Variants in MTUS1 observed in about 807,000 individuals in gnomAD.
MTUS1 encodes microtubule-associated tumor suppressor 1.
In MTUS1, 109 loss-of-function variants were observed where a neutral mutation model predicts 120.8. The ratio of observed to expected loss-of-function variants is 0.90; its 90% CI spans 0.77 to 1.06. The LOEUF is 1.06. MTUS1 is among the 50% of genes least tolerant of loss of function. The pLI is 0.00. For synonymous variants in MTUS1, 737 were observed against 550.5 expected (o/e 1.34, Z -4.74); for missense variants, 2,210 against 1,486.3 (o/e 1.49, Z -8.01).
chr8:17,646,011 T>C lies in MTUS1; in HGVS notation c.3728A>G (p.Lys1243Arg). 1.2e-6 allele frequency: 2 copies of C among 1,613,756 alleles called. No homozygotes were observed. Among genetic ancestry groups the C allele is most frequent in the Non-Finnish European group, 1.7e-6 (2 of 1,179,974 alleles). The change falls in exon 15 of 15, where the codon AAG becomes AGG. Residue 1243 changes from lysine to arginine, a missense_variant. Lys to Arg is a conservative substitution (Grantham distance 26, BLOSUM62 2). Coordinates refer to ENST00000693296, the MANE Select transcript of MTUS1 (RefSeq NM_001363059.2). ...KLHNGDLCSP[K>R]RSPTSSAIPL... ...GATGGCGGAGGATGTGGGGGATCTCTTGGGGCTACACAGGTCCCCATTGTG... is the reference window on the plus strand; with the variant it reads ...GATGGCGGAGGATGTGGGGGATCTCCTGGGGCTACACAGGTCCCCATTGTG...
intron 8 of MTUS1, among the ~76,000 whole-genome samples, chr8:17,662,910 A>G (rs1048164727): frequency 2.0e-5 from 3 of 152,110 alleles, no homozygotes; most frequent in Admixed American, 2.0e-4. Flanking sequence ...GAAGAAGGAA[A>G]GGAAGGCAAA....
chr8:17,735,252 T>C (rs1287330496), intron 3 of MTUS1, among the ~76,000 whole-genome samples: 1 of 152,168 alleles, frequency 6.6e-6, no homozygotes, highest in African/African-American at 2.4e-5. Context: ...GAAAACTTCT[T>C]GCTACTCTAT....
chr8:17,655,055 G>C (rs1334224769), intron 9 of MTUS1: 1 of 190,324 alleles, frequency 5.3e-6, no homozygotes, highest in African/African-American at 2.3e-5. Context: ...GGAAATGGCT[G>C]CATCAGTCAC....
chr8:17,700,632 G>T (rs553077475), intron 6 of MTUS1, among the ~76,000 whole-genome samples: 2 of 152,172 alleles, frequency 1.3e-5, no homozygotes, highest in South Asian at 4.2e-4. Flanking sequence ...AATGCTCTGG[G>T]AGGTAGAAGA....
At position 17,645,502 on chromosome 8, in the gene MTUS1, T is replaced by C. The variant is rs1040732032; in HGVS notation, c.*424A>G. ...GACACATGACACTCTGTGACATCCA[T>C]TTCATTCACACCCCCCACCCCCACA... On this transcript the variant is annotated 3_prime_UTR_variant, in exon 15 of 15. Transcript: ENST00000693296. The C allele has an allele frequency of 2.9e-5, 5 of 170,740 alleles. No individual in the cohort carries two copies. Among genetic ancestry groups the C allele is most frequent in the South Asian group, 1.6e-4 (1 of 6,346 alleles). The allele number at this position is 170,740 out of a possible 1,614,324, so 10.6% of individuals were successfully genotyped here.
chr8:17,677,004 G>T (rs997134033), intron 7 of MTUS1, among the ~76,000 whole-genome samples: 3 of 152,150 alleles, frequency 2.0e-5, no homozygotes, highest in Admixed American at 6.5e-5. Flanking sequence ...GCACTGAAAC[G>T]TGGTCAGCAG....
At chr8:17,708,479 A>T (rs1425339906) in intron 6 of MTUS1, among the ~76,000 whole-genome samples, 4 of 152,218 alleles carry the variant, frequency 2.6e-5, no homozygotes, top group African/African-American at 9.6e-5. Flanking sequence ...GAGAAACAGG[A>T]TTCTTCATAC....
chr8:17,646,265 A>T, intron 14 of MTUS1, 126 bp from the exon 15 acceptor site: 1 of 1,066,324 alleles, frequency 9.4e-7, no homozygotes, highest in Non-Finnish European at 1.3e-6. Context: ...AATCCTGCAC[A>T]AGGTCACAGG....
chr8:17,739,299 G>A (rs1176566717), intron 3 of MTUS1, among the ~76,000 whole-genome samples: 1 of 151,972 alleles, frequency 6.6e-6, no homozygotes. Context: ...TTGGAGACCA[G>A]CCTGACCAAC....
chr8:17,670,736 C>A (rs898833938), intron 8 of MTUS1, among the ~76,000 whole-genome samples: 1 of 152,034 alleles, frequency 6.6e-6, no homozygotes, highest in Non-Finnish European at 1.5e-5. Context: ...GGCAGGAGAA[C>A]TGCTTGAACC....
chr8:17,722,465 T>C (rs2045916780), intron 4 of MTUS1: 2 of 985,356 alleles, frequency 2.0e-6, no homozygotes, highest in Non-Finnish European at 2.4e-6. Flanking sequence ...CCTGATTTTG[T>C]GCCACACCTT....
rs768311284 is a variant in MTUS1, at chr8:17,755,608, C to G, written c.200G>C (p.Gly67Ala). 2 of 1,614,160 alleles carry G rather than the reference C, an allele frequency of 1.2e-6. No individual in the cohort carries two copies. Among genetic ancestry groups the G allele is most frequent in the Non-Finnish European group, 1.7e-6 (2 of 1,180,008 alleles). Reference sequence around the variant, plus strand: ...CTGAAGGCTTAAAGAAATATTTTCACCAGTAACTACAGCAGGGTCAGTTTC... The same window carrying G: ...CTGAAGGCTTAAAGAAATATTTTCAGCAGTAACTACAGCAGGGTCAGTTTC... ...DYETDPAVVT[G>A]ENISLSLQGV... is the part of the protein sequence containing the mutation. The change falls in exon 2 of 15, where the codon GGT (glycine) becomes GCT (alanine). Residue 67 changes from glycine (G) to alanine (A), a missense_variant. By Grantham distance (60) the Gly-to-Ala change is moderately conservative. Transcript: ENST00000693296.
chr8:17,698,290 G>C (rs10099609), intron 6 of MTUS1, among the ~76,000 whole-genome samples: 3,247 of 152,316 alleles, frequency 0.021, 119 homozygotes, highest in African/African-American at 0.074. Flanking sequence ...GACTAGGAGT[G>C]TGAGGAGGGC....
chr8:17,660,398 T>C (rs1431646379), intron 8 of MTUS1, among the ~76,000 whole-genome samples: 5 of 152,086 alleles, frequency 3.3e-5, no homozygotes, highest in East Asian at 1.9e-4. Flanking sequence ...TAATATTCCA[T>C]TGCACGTACA....
At chr8:17,722,117 C>T in intron 4 of MTUS1, 1 of 1,274,202 alleles carries the variant, frequency 7.8e-7, no homozygotes, top group Non-Finnish European at 9.9e-7. Context: ...AACACATCGC[C>T]ACTAGACAGG....
At position 17,743,631 on chromosome 8, in the gene MTUS1, G is replaced by C. The variant is rs2047505980; in HGVS notation, c.2260C>G (p.Gln754Glu). 6.2e-7 allele frequency: 1 copy of C among 1,614,040 alleles called. No individual in the cohort carries two copies. The highest frequency in any genetic ancestry group is 8.5e-7 in the Non-Finnish European group (1 of 1,180,026). ...GAACTGGACACACGCCTGATCCTCT[G>C]AGGAGATACGGCTCGATCAGCACTG... ...NPSADRAVSP[Q>E]RIRRVSSSGK... Residue 754 changes from glutamine to glutamate, a missense_variant, in exon 3 of 15, where the codon CAG becomes GAG. Gln to Glu is a conservative substitution (Grantham distance 29, BLOSUM62 2). Coordinates refer to ENST00000693296, the MANE Select transcript of MTUS1 (RefSeq NM_001363059.2).
At chr8:17,758,786 G>C (rs895728578) in intron 1 of MTUS1, among the ~76,000 whole-genome samples, 7 of 152,166 alleles carry the variant, frequency 4.6e-5, no homozygotes. Context: ...TCAATTAATG[G>C]CATTTTTATT....
intron 8 of MTUS1, among the ~76,000 whole-genome samples, chr8:17,669,723 T>C (rs1163324567): frequency 6.6e-6 from 1 of 152,060 alleles, no homozygotes; most frequent in Non-Finnish European, 1.5e-5. Context: ...TGCGCACCTG[T>C]ATTCCCAGCT....
At chr8:17,746,772 A>G (rs1449366388) in intron 2 of MTUS1, among the ~76,000 whole-genome samples, 2 of 152,226 alleles carry the variant, frequency 1.3e-5, no homozygotes, top group East Asian at 3.8e-4. Context: ...AATTCTAAGT[A>G]TATGTATCAA....
Sources: allele counts gnomAD v4.1 joint callset (sites outside exome capture counted in the v4.1 genomes callset), GRCh38; gene constraint gnomAD v4.1.1; transcripts MANE v1.5; gene names NCBI Gene and HGNC (gene_info 2026-07-23, HGNC 2026-07-21).